Variants in FARS2 observed in about 807,000 individuals in gnomAD.
FARS2 encodes phenylalanine--tRNA ligase, mitochondrial.
A neutral mutation model predicts 46.4 loss-of-function variants in FARS2; 40 were observed. The observed-to-expected ratio is 0.86, with a 90% CI of 0.67 to 1.12. The LOEUF is 1.12. Ranked by LOEUF, FARS2 falls within the 50% of genes most tolerant of loss-of-function variation. FARS2 has a pLI of 0.00. For synonymous variants in FARS2, 234 were observed against 214.9 expected, an observed-to-expected ratio of 1.09 and a Z score of -0.78; for missense variants, 513 against 567.9, an observed-to-expected ratio of 0.90 and a Z score of 0.98.
chr6:5,367,134 TC>T (rs764717453), intron 1 of FARS2, among the ~76,000 whole-genome samples: 1 of 152,238 alleles, frequency 6.6e-6, no homozygotes, highest in Non-Finnish European at 1.5e-5. Flanking sequence ...CAGCTAGATT[TC>T]CTCAGTTCCA....
chr6:5,332,921 T>C (rs762674182), intron 1 of FARS2, among the ~76,000 whole-genome samples: 22 of 152,222 alleles, frequency 1.4e-4, no homozygotes, highest in Non-Finnish European at 2.9e-4. Context: ...TTGGTTTTTA[T>C]TGAGCAAAAT....
At chr6:5,252,679 C>T in the FARS2 span, among the ~76,000 whole-genome samples, 8 of 152,058 alleles carry the variant, frequency 5.3e-5, no homozygotes, top group Non-Finnish European at 7.4e-5. Context: ...GTGATATAAA[C>T]GTAATGAAGT....
chr6:5,356,040 G>GGTGAT (rs1262844257), intron 1 of FARS2, among the ~76,000 whole-genome samples: 1 of 152,178 alleles, frequency 6.6e-6, no homozygotes, highest in Non-Finnish European at 1.5e-5. Flanking sequence ...GGTTGAACAC[G>GGTGAT]GTGATGTTCT....
At chr6:5,328,114 T>C (rs1312742528) in intron 1 of FARS2, among the ~76,000 whole-genome samples, 1 of 152,236 alleles carries the variant, frequency 6.6e-6, no homozygotes. Context: ...TAATAGATTT[T>C]TGATAACTAA....
chr6:5,667,934 C>T (rs2326633), intron 6 of FARS2: 146,035 of 152,358 alleles, frequency 0.96, 70,060 homozygotes, highest in East Asian at 1. Context: ...TTTCTAACAT[C>T]GATGTGGGAT....
intron 6 of FARS2, among the ~76,000 whole-genome samples, chr6:5,745,990 C>T (rs1334286776): frequency 1.3e-5 from 2 of 152,198 alleles, no homozygotes; most frequent in African/African-American, 4.8e-5. Context: ...AACTGCATGC[C>T]TGTAATTATG....
At chr6:5,462,425 T>G (rs1210763446) in intron 4 of FARS2, among the ~76,000 whole-genome samples, 1 of 152,176 alleles carries the variant, frequency 6.6e-6, no homozygotes, top group Non-Finnish European at 1.5e-5. Context: ...TTTAATGGAT[T>G]ATGATTTTTG....
chr6:5,593,654 G>A lies in FARS2; in HGVS notation c.1066-19515G>A, dbSNP rs1019184214. On this transcript the variant is annotated intron_variant, in intron 5 of 6. Coordinates refer to ENST00000274680, the MANE Select transcript of FARS2 (RefSeq NM_006567.5). ...ACCTGTCAAGTAAGGACAATGGTGAGGCTCCGCAAACCACTTTGAATCCTT... is the reference window on the plus strand; with the variant it reads ...ACCTGTCAAGTAAGGACAATGGTGAAGCTCCGCAAACCACTTTGAATCCTT... Among the ~76,000 whole-genome samples the A allele has an allele frequency of 2.0e-5, 3 of 152,162 alleles. No individual in the cohort carries two copies. In the South Asian group the frequency reaches 6.2e-4, roughly 32 times the overall value.
intron 5 of FARS2, among the ~76,000 whole-genome samples, chr6:5,573,414 G>C (rs148451976): frequency 6.6e-6 from 1 of 152,144 alleles, no homozygotes; most frequent in Admixed American, 6.5e-5. Flanking sequence ...ACACACACGC[G>C]TGCGTGCATA....
Position 5,311,464 on chromosome 6 carries a change from A to G in FARS2, c.-22+49804A>G, listed in dbSNP as rs1251057278. On this transcript the variant is annotated intron_variant, in intron 1 of 6. Coordinates refer to ENST00000274680, the MANE Select transcript of FARS2 (RefSeq NM_006567.5). The surrounding 1 kb of genome is among the most constrained non-coding windows in gnomAD (Gnocchi z 4.1). ...TTATTCTCATTATTTTTAACTCAAC[A>G]GTTATCTGAGTATGATGTTACAGAA... 2.0e-5 allele frequency among the ~76,000 whole-genome samples: 3 copies of G among 152,166 alleles called. 1 individual carries two copies. Among genetic ancestry groups the G allele is most frequent in the Non-Finnish European group, 4.4e-5 (3 of 68,022 alleles).
At chr6:5,741,806 A>AC (rs148149996) in intron 6 of FARS2, among the ~76,000 whole-genome samples, 3,769 of 151,708 alleles carry the variant, frequency 0.025, 150 homozygotes, top group African/African-American at 0.086. Flanking sequence ...ACATGCCACC[A>AC]CCCCCAGTTA....
intron 4 of FARS2, among the ~76,000 whole-genome samples, chr6:5,532,094 T>C (rs1291842138): frequency 2.0e-5 from 3 of 152,220 alleles, no homozygotes; most frequent in Non-Finnish European, 4.4e-5. Flanking sequence ...TCTACTGTTA[T>C]GTGAGCACCT....
At chr6:5,504,964 G>C (rs962146635) in intron 4 of FARS2, among the ~76,000 whole-genome samples, 6 of 152,000 alleles carry the variant, frequency 3.9e-5, no homozygotes, top group African/African-American at 1.5e-4. Flanking sequence ...CATCACACCT[G>C]GCTTGGACGT....
intron 1 of FARS2, among the ~76,000 whole-genome samples, chr6:5,331,470 G>A (rs768705504): frequency 1.2e-4 from 19 of 152,114 alleles, no homozygotes; most frequent in Non-Finnish European, 1.8e-4. Flanking sequence ...CTGGTGGCTG[G>A]GATTTTCTCC....
intron 6 of FARS2, among the ~76,000 whole-genome samples, chr6:5,755,083 A>T (rs1321191320): frequency 6.6e-6 from 1 of 152,174 alleles, no homozygotes; most frequent in Admixed American, 6.6e-5. Flanking sequence ...CTGTATTCCA[A>T]ACAGTTCCTT....
chr6:5,275,276 A>G (rs1409224588), intron 1 of FARS2, among the ~76,000 whole-genome samples: 1 of 152,188 alleles, frequency 6.6e-6, no homozygotes, highest in Non-Finnish European at 1.5e-5. Context: ...TCTTCACTCC[A>G]GTCATGACTA....
intron 1 of FARS2, among the ~76,000 whole-genome samples, chr6:5,275,445 G>A (rs1371457815): frequency 1.3e-5 from 2 of 152,080 alleles, no homozygotes; most frequent in South Asian, 2.1e-4. Flanking sequence ...AAGGTTCCTG[G>A]TTTAATGTTG....
intron 1 of FARS2, among the ~76,000 whole-genome samples, chr6:5,361,234 G>A (rs568899476): frequency 1.4e-4 from 21 of 152,172 alleles, no homozygotes; most frequent in African/African-American, 4.3e-4. Context: ...ATTCAAACTC[G>A]TTGCAACCAT....
At chr6:5,725,474 G>A (rs550194696) in intron 6 of FARS2, among the ~76,000 whole-genome samples, 5 of 152,304 alleles carry the variant, frequency 3.3e-5, no homozygotes, top group South Asian at 4.1e-4. Context: ...CTGGCTGCCC[G>A]GGCTCCAGTC....
Sources: allele counts gnomAD v4.1 joint callset (sites outside exome capture counted in the v4.1 genomes callset), GRCh38; gene constraint gnomAD v4.1.1; non-coding constraint Gnocchi (gnomAD v3.1); transcripts MANE v1.5; gene names NCBI Gene and HGNC (gene_info 2026-07-23, HGNC 2026-07-21).